The following ULK4 variants were observed in gnomAD, a reference collection of about 807,000 sequenced individuals.
ULK4 encodes the protein unc-51 like kinase 4.
In ULK4, 133 loss-of-function variants were observed where a neutral mutation model predicts 160.6. The observed-to-expected ratio is 0.83, with a 90% CI of 0.72 to 0.96. The LOEUF is 0.96. Ranked by LOEUF, ULK4 falls within the 40% of genes least tolerant of loss-of-function variation. The pLI is 0.00. For missense variants in ULK4, 1,580 were observed against 1,499.5 expected, an observed-to-expected ratio of 1.05 and a Z score of -0.89; for synonymous variants, 534 against 539.8, an observed-to-expected ratio of 0.99 and a Z score of 0.15.
chr3:41,544,675 T>C (rs980466925), intron 32 of ULK4, among the ~76,000 whole-genome samples: 1 of 152,208 alleles, frequency 6.6e-6, no homozygotes, highest in African/African-American at 2.4e-5. Context: ...TTGTTTGCTA[T>C]AAATGCCAGT....
intron 21 of ULK4, among the ~76,000 whole-genome samples, chr3:41,761,778 A>G (rs1218917605): frequency 1.3e-5 from 2 of 152,182 alleles, no homozygotes; most frequent in Non-Finnish European, 2.9e-5. Context: ...ATTACAATGC[A>G]ATAAAACTAG....
intron 32 of ULK4, among the ~76,000 whole-genome samples, chr3:41,519,226 T>G (rs1181242935): frequency 2.6e-5 from 4 of 152,202 alleles, no homozygotes; most frequent in Non-Finnish European, 4.4e-5. Flanking sequence ...GCACTAGGAC[T>G]CAAGGTCCTG....
At chr3:41,663,957 T>C (rs2035270583) in intron 29 of ULK4, among the ~76,000 whole-genome samples, 1 of 152,194 alleles carries the variant, frequency 6.6e-6, no homozygotes, top group Non-Finnish European at 1.5e-5. Context: ...ACTTAAATGC[T>C]ACTCTCAACA....
chr3:41,268,080 G>T (rs1252168043), intron 35 of ULK4, among the ~76,000 whole-genome samples: 1 of 152,160 alleles, frequency 6.6e-6, no homozygotes, highest in Non-Finnish European at 1.5e-5. Context: ...CACAACTGGG[G>T]ATAAGGGGAG....
At chr3:41,257,752 T>C (rs181421054) in intron 35 of ULK4, among the ~76,000 whole-genome samples, 2 of 152,282 alleles carry the variant, frequency 1.3e-5, no homozygotes, top group Admixed American at 1.3e-4. Context: ...TCAAAATCCT[T>C]CACACTTTTA....
In ULK4 at chr3:41,889,874, G is replaced by T. The variant is rs142468167; in HGVS notation, c.1577+5644C>A. ...GGAAACAACCCCAAATGTCCATCAA[G>T]ACCACATAAGCAAAATGTGGTATAG... On this transcript the variant is annotated intron_variant, in intron 16 of 36. Transcript: ENST00000301831. 6.8e-3 allele frequency among the ~76,000 whole-genome samples: 1,040 copies of T among 152,212 alleles called. 9 individuals carry two copies. The highest frequency in any genetic ancestry group is 0.024 in the African/African-American group (1,004 of 41,504).
intron 30 of ULK4, among the ~76,000 whole-genome samples, chr3:41,662,313 G>C (rs1455799564): frequency 6.6e-6 from 1 of 152,124 alleles, no homozygotes; most frequent in Non-Finnish European, 1.5e-5. Flanking sequence ...TTGCAACATG[G>C]CTCAGAATAG....
At chr3:41,803,813 A>G (rs1259969772) in intron 19 of ULK4, among the ~76,000 whole-genome samples, 1 of 152,076 alleles carries the variant, frequency 6.6e-6, no homozygotes. Flanking sequence ...AAGGACATGA[A>G]CTCATCATTT....
chr3:41,507,013 T>C (rs1413831910), intron 32 of ULK4, among the ~76,000 whole-genome samples: 1 of 149,704 alleles, frequency 6.7e-6, no homozygotes, highest in East Asian at 2.0e-4. Context: ...TACACATACA[T>C]ATGTACATAT....
At chr3:41,616,935 C>A (rs967927716) in intron 30 of ULK4, among the ~76,000 whole-genome samples, 1 of 152,186 alleles carries the variant, frequency 6.6e-6, no homozygotes, top group African/African-American at 2.4e-5. Flanking sequence ...CTGGGATGAT[C>A]TAGCATGGTA....
intron 22 of ULK4, among the ~76,000 whole-genome samples, chr3:41,735,162 T>C (rs2037985044): frequency 1.3e-5 from 2 of 152,094 alleles, no homozygotes; most frequent in South Asian, 4.1e-4. Flanking sequence ...AGATAGCGGA[T>C]AAGCTAATGA....
intron 21 of ULK4, among the ~76,000 whole-genome samples, chr3:41,761,217 C>T (rs2038971700): frequency 6.6e-6 from 1 of 150,748 alleles, no homozygotes; most frequent in Non-Finnish European, 1.5e-5. Flanking sequence ...AACTGAGTCC[C>T]CATGGAAGTA....
intron 35 of ULK4, among the ~76,000 whole-genome samples, chr3:41,374,619 G>A (rs1486575555): frequency 6.6e-6 from 1 of 152,040 alleles, no homozygotes; most frequent in East Asian, 1.9e-4. Context: ...AATAAACTAG[G>A]TATTGACGGA....
chr3:41,635,336 C>T (rs1421454956), intron 30 of ULK4, among the ~76,000 whole-genome samples: 2 of 152,068 alleles, frequency 1.3e-5, no homozygotes, highest in African/African-American at 2.4e-5. Context: ...ATAAGAACCA[C>T]TAGCCTGTGT....
At chr3:41,429,008 T>A (rs533018205) in intron 34 of ULK4, among the ~76,000 whole-genome samples, 1 of 151,912 alleles carries the variant, frequency 6.6e-6, no homozygotes, top group African/African-American at 2.4e-5. Flanking sequence ...AATCTATCCG[T>A]CAGACAAAGG....
intron 35 of ULK4, among the ~76,000 whole-genome samples, chr3:41,379,023 G>A (rs1156620579): frequency 6.6e-6 from 1 of 151,916 alleles, no homozygotes; most frequent in Admixed American, 6.6e-5. Context: ...TATGTTCACA[G>A]GAAGGGGAAC....
At chr3:41,630,706 C>CAGTT (rs1559445185) in intron 30 of ULK4, among the ~76,000 whole-genome samples, 1 of 152,182 alleles carries the variant, frequency 6.6e-6, no homozygotes, top group Non-Finnish European at 1.5e-5. Flanking sequence ...GGCCATCTTG[C>CAGTT]AGTTCTGCCT....
chr3:41,903,652 A>G (rs1613233), intron 12 of ULK4, among the ~76,000 whole-genome samples: 103,517 of 151,596 alleles, frequency 0.68, 39,006 homozygotes, highest in East Asian at 0.83. Context: ...GCAAAAATTA[A>G]TTTCCTACAG....
At chr3:41,747,552 T>TC (rs1420205550) in intron 22 of ULK4, among the ~76,000 whole-genome samples, 3 of 152,102 alleles carry the variant, frequency 2.0e-5, no homozygotes, top group African/African-American at 4.8e-5. Context: ...TGAATTCTGT[T>TC]CCCCCCAAAA....
Sources: allele counts gnomAD v4.1 joint callset (sites outside exome capture counted in the v4.1 genomes callset), GRCh38; gene constraint gnomAD v4.1.1; transcripts MANE v1.5; gene names NCBI Gene and HGNC (gene_info 2026-07-23, HGNC 2026-07-21).